TIAM1: variants seen among roughly 807,000 people sequenced by gnomAD.
The protein encoded by TIAM1 is TIAM Rac1 associated GEF 1, also known as rho guanine nucleotide exchange factor TIAM1.
A neutral mutation model predicts 163.5 loss-of-function variants in TIAM1; 65 were observed. The ratio of observed to expected loss-of-function variants is 0.40; its 90% CI spans 0.33 to 0.49. TIAM1 has a LOEUF of 0.49. Ranked by LOEUF, TIAM1 falls within the 20% of genes least tolerant of loss-of-function variation. The probability of loss-of-function intolerance (pLI) is 0.77; values close to 1 mark genes in which losing one functional copy is unlikely to be tolerated. For synonymous variants in TIAM1, 833 were observed against 810.1 expected, an observed-to-expected ratio of 1.03 and a Z score of -0.48; for missense variants, 1,789 against 2,044.7, an observed-to-expected ratio of 0.87 and a Z score of 2.41.
At chr21:31,256,516 GTTAAA>G (rs1033697218) in intron 4 of TIAM1, among the ~76,000 whole-genome samples, 1 of 150,372 alleles carries the variant, frequency 6.7e-6, no homozygotes, top group African/African-American at 2.4e-5. Flanking sequence ...TTTCTGGCTT[GTTAAA>G]TTCTAACATG....
intron 15 of TIAM1, among the ~76,000 whole-genome samples, chr21:31,179,823 C>G (rs969311186): frequency 1.3e-5 from 2 of 151,262 alleles, no homozygotes; most frequent in African/African-American, 4.9e-5. Context: ...AAGATTTATT[C>G]AATGCATTTT....
chr21:31,328,612 A>G (rs796535674), intron 2 of TIAM1, among the ~76,000 whole-genome samples: 41 of 152,012 alleles, frequency 2.7e-4, no homozygotes, highest in African/African-American at 9.9e-4. Context: ...TTACACAGGT[A>G]TACATGTGCC....
At chr21:31,403,856 G>A (rs2077205767) in intron 2 of TIAM1, among the ~76,000 whole-genome samples, 1 of 152,120 alleles carries the variant, frequency 6.6e-6, no homozygotes, top group Non-Finnish European at 1.5e-5. Context: ...TAGTCTAGCT[G>A]AGAAGACAGT....
At chr21:31,413,371 G>A (rs1410970046) in intron 2 of TIAM1, among the ~76,000 whole-genome samples, 1 of 140,388 alleles carries the variant, frequency 7.1e-6, no homozygotes, top group African/African-American at 2.6e-5. Flanking sequence ...CCGGGTTCAC[G>A]CCATTCTCCT....
chr21:31,424,274 G>C (rs978203244), intron 2 of TIAM1, among the ~76,000 whole-genome samples: 2 of 152,142 alleles, frequency 1.3e-5, no homozygotes, highest in African/African-American at 4.8e-5. Context: ...TAAAAACTGA[G>C]ACTCAGAAGT....
At chr21:31,409,344 G>A (rs942804984) in intron 2 of TIAM1, among the ~76,000 whole-genome samples, 3 of 151,932 alleles carry the variant, frequency 2.0e-5, no homozygotes, top group Admixed American at 6.6e-5. Flanking sequence ...TCCTGACCTC[G>A]TGATCCACCC....
At chr21:31,444,230 C>T (rs980776324) in intron 2 of TIAM1, among the ~76,000 whole-genome samples, 2 of 152,098 alleles carry the variant, frequency 1.3e-5, no homozygotes, top group Admixed American at 1.3e-4. Context: ...AGTAGAGGCA[C>T]TAAAATTTAG....
chr21:31,487,804 G>A (rs556598040), intron 1 of TIAM1, among the ~76,000 whole-genome samples: 51 of 151,854 alleles, frequency 3.4e-4, no homozygotes, highest in South Asian at 2.3e-3. Context: ...TGATCCACCC[G>A]CCTCGGCCTC....
At chr21:31,338,752 C>T (rs765309017) in intron 2 of TIAM1, among the ~76,000 whole-genome samples, 3 of 152,176 alleles carry the variant, frequency 2.0e-5, no homozygotes, top group Non-Finnish European at 4.4e-5. Context: ...GCAATAAAGA[C>T]GTCCAGTTTC....
chr21:31,275,342 A>G (rs1220370322), intron 3 of TIAM1, among the ~76,000 whole-genome samples: 5 of 152,152 alleles, frequency 3.3e-5, no homozygotes, highest in Admixed American at 1.3e-4. Context: ...ACATGCCAAC[A>G]GGTTTTTAAG....
chr21:31,199,188 G>A (rs989406799), intron 12 of TIAM1, among the ~76,000 whole-genome samples: 9 of 152,122 alleles, frequency 5.9e-5, no homozygotes, highest in Non-Finnish European at 4.4e-5. Flanking sequence ...TTCTTTCTCT[G>A]TCTCCTTTGG....
chr21:31,209,908 G>A (rs1430289391), intron 11 of TIAM1, 137 bp downstream of exon 11: 66 of 843,054 alleles, frequency 7.8e-5, no homozygotes, highest in Non-Finnish European at 2.5e-5. Context: ...GGAATGCAAT[G>A]CTGCTCCGAA....
chr21:31,155,338 G>A (rs183127536), intron 16 of TIAM1, among the ~76,000 whole-genome samples: 366 of 152,314 alleles, frequency 2.4e-3, no homozygotes, highest in African/African-American at 8.4e-3. Context: ...CGATGCCCAT[G>A]CACACCAGAG....
At chr21:31,468,502 C>A (rs1445137333) in intron 1 of TIAM1, among the ~76,000 whole-genome samples, 1 of 150,412 alleles carries the variant, frequency 6.6e-6, no homozygotes, top group Non-Finnish European at 1.5e-5. Flanking sequence ...AAAGACCGGG[C>A]ACGGTGACTC....
At chr21:31,549,943 G>C (rs2061404017) in intron 1 of TIAM1, among the ~76,000 whole-genome samples, 1 of 152,186 alleles carries the variant, frequency 6.6e-6, no homozygotes, top group South Asian at 2.1e-4. Context: ...GGCCAACATG[G>C]TGAAACTCTG....
Position 31,213,381 on chromosome 21 carries a change from C to G in TIAM1, c.2217+17G>C. On this transcript the variant is annotated intron_variant, in intron 10 of 27. Coordinates refer to ENST00000541036, the MANE Select transcript of TIAM1 (RefSeq NM_001353694.2). ...CTTGTGGTACTTTTAGAAAAGAAAA[C>G]ACACGTTTATTTTTACCTTGCCATC... 1 of 1,604,208 alleles carries G rather than the reference C, an allele frequency of 6.2e-7. No individual in the cohort carries two copies. Among genetic ancestry groups the G allele is most frequent in the Non-Finnish European group, 8.5e-7 (1 of 1,176,096 alleles).
intron 6 of TIAM1, among the ~76,000 whole-genome samples, chr21:31,243,992 G>A (rs1490443544): frequency 6.6e-6 from 1 of 152,196 alleles, no homozygotes; most frequent in Non-Finnish European, 1.5e-5. Context: ...TGTGAGTGGG[G>A]TGGGGTTGGG....
chr21:31,488,628 G>A lies in TIAM1; in HGVS notation c.-421-24593C>T, dbSNP rs141064956. Among the ~76,000 whole-genome samples the A allele has an allele frequency of 2.1e-4, 32 of 152,266 alleles. No individual in the cohort carries two copies. In the Middle Eastern group the frequency reaches 0.01, roughly 49 times the overall value. On this transcript the variant is annotated intron_variant, in intron 1 of 28. Transcript: ENST00000286827. ...GCAAACTCATGTCTTACATGGTGAC[G>A]GGCAAAAGAGCATATGCCAGGGAAC...
chr21:31,193,755 A>G (rs1308420580), intron 13 of TIAM1, among the ~76,000 whole-genome samples: 1 of 152,202 alleles, frequency 6.6e-6, no homozygotes, highest in Non-Finnish European at 1.5e-5. Context: ...AGCTGCACAC[A>G]CAGACAAGCA....
Sources: allele counts gnomAD v4.1 joint callset (sites outside exome capture counted in the v4.1 genomes callset), GRCh38; gene constraint gnomAD v4.1.1; transcripts MANE v1.5; gene names NCBI Gene and HGNC (gene_info 2026-07-23, HGNC 2026-07-21).